MSLN: variants seen among roughly 807,000 people sequenced by gnomAD.
The protein encoded by MSLN is mesothelin.
A neutral mutation model predicts 72.6 loss-of-function variants in MSLN; 82 were observed. That is an observed-to-expected ratio of 1.13 (90% CI 0.94 to 1.36). The LOEUF is 1.36. Among genes scored for constraint, MSLN ranks in the 40% most tolerant of loss-of-function variants. MSLN has a pLI of 0.00. For synonymous variants in MSLN, 456 were observed against 387.3 expected (o/e 1.18, Z -2.08); for missense variants, 1,005 against 847.9 (o/e 1.19, Z -2.30).
chr16:762,540 G>T (rs543638183), intron 2 of MSLN, 132 bp from the exon 3 acceptor site: 29 of 701,890 alleles, frequency 4.1e-5, no homozygotes, highest in Non-Finnish European at 7.1e-5. Context: ...GCCAGGGTGC[G>T]GACACAAGCT....
Position 764,650 on chromosome 16 carries a change from C to CGCTGT in MSLN, c.305_309dup (p.Leu104AlafsTer76). On this transcript the variant is annotated frameshift_variant, in exon 7 of 18. Coordinates refer to ENST00000545450, the MANE Select transcript of MSLN (RefSeq NM_005823.6). LOFTEE classifies it high-confidence loss of function. ...GCTGGACTCCCTGCCCCTGCAGCTG[C>CGCTGT]GCTGTCTGGCTCACCGGCTCTCTGA... The CGCTGT allele has an allele frequency of 6.2e-7, 1 of 1,612,178 alleles. No individual in the cohort carries two copies. Among genetic ancestry groups the CGCTGT allele is most frequent in the Non-Finnish European group, 8.5e-7 (1 of 1,179,528 alleles).
At position 764,951 on chromosome 16, in the gene MSLN, C is replaced by T; in HGVS notation, c.425C>T (p.Ser142Phe). 1 of 1,612,444 alleles carries T rather than the reference C, an allele frequency of 6.2e-7. No homozygotes were observed. The change falls in exon 8 of 18, where the codon TCC (serine) becomes TTC (phenylalanine). Residue 142 changes from serine (S) to phenylalanine (F), a missense_variant. Ser to Phe is a radical substitution (Grantham distance 155). Transcript: ENST00000545450. The part of the protein sequence containing the change: ...SGPQACTRFF[S>F]RITKANVDLL... ...CCCCAGGCCTGCACCCGTTTCTTCT[C>T]CCGCATCACGAAGGCCAATGTGGAC...
chr16:767,339 G>A (rs3765325), intron 15 of MSLN, 37 bp from the exon 16 acceptor site: 2 of 1,573,936 alleles, frequency 1.3e-6, no homozygotes, highest in Non-Finnish European at 1.7e-6. Context: ...GGGGTGTGAG[G>A]TGAGGCCTCA....
At chr16:764,394 G>T (rs944218974) in intron 6 of MSLN, among the ~76,000 whole-genome samples, 1 of 152,212 alleles carries the variant, frequency 6.6e-6, no homozygotes, top group African/African-American at 2.4e-5. Context: ...AGCGCCGTGG[G>T]CAGCCCTCCA....
In MSLN at chr16:765,706, T is replaced by A. The variant is rs952774172; in HGVS notation, c.811T>A (p.Trp271Arg). The A allele has an allele frequency of 6.2e-7, 1 of 1,600,886 alleles. No homozygotes were observed. Among genetic ancestry groups the A allele is most frequent in the Non-Finnish European group, 8.5e-7 (1 of 1,179,462 alleles). ...RSIPQGIVAA[W>R]RQRSSRDPSW... Reference sequence around the variant, plus strand: ...TCGTCCTCAGGGCATCGTGGCCGCGTGGCGGCAACGCTCCTCTCGGGACCC... The same window carrying A: ...TCGTCCTCAGGGCATCGTGGCCGCGAGGCGGCAACGCTCCTCTCGGGACCC... Residue 271 changes from tryptophan to arginine, a missense_variant, in exon 11 of 18, where the codon TGG (tryptophan) becomes AGG (arginine). Trp to Arg is a moderately radical substitution (Grantham distance 101). Transcript: ENST00000545450.
chr16:768,260 G>T (rs909081660), intron 16 of MSLN, 119 bp from the exon 17 acceptor site: 1 of 1,052,532 alleles, frequency 9.5e-7, no homozygotes, highest in Non-Finnish European at 1.3e-6. Flanking sequence ...TCCGAAGTCT[G>T]GAGAGGCTGC....
At chr16:763,742 G>A (rs370746923) in intron 5 of MSLN, 51 bp downstream of exon 5, 16 of 816,888 alleles carry the variant, frequency 2.0e-5, no homozygotes, top group East Asian at 2.1e-4. Flanking sequence ...AGGGGCCCTC[G>A]GGACTGAGGG....
chr16:764,820 CAG>C (rs1329476952), intron 7 of MSLN, 85 bp from the exon 8 acceptor site: 28 of 1,585,720 alleles, frequency 1.8e-5, no homozygotes, highest in Non-Finnish European at 2.1e-5. Context: ...CAGGCCACAG[CAG>C]AGATGTGGAG....
At position 765,680 on chromosome 16, in the gene MSLN, C is replaced by T. The variant is rs2041597486; in HGVS notation, c.796-11C>T. ...CACCCGAGGCTCAGCCCAGGTCCTG[C>T]TCGTCCTCAGGGCATCGTGGCCGCG... On this transcript the variant is annotated splice_polypyrimidine_tract_variant and intron_variant, in intron 10 of 17. Coordinates refer to ENST00000545450, the MANE Select transcript of MSLN (RefSeq NM_005823.6). The T allele has an allele frequency of 6.2e-7, 1 of 1,600,418 alleles. No individual in the cohort carries two copies. Among genetic ancestry groups the T allele is most frequent in the African/African-American group, 1.3e-5 (1 of 75,020 alleles).
intron 2 of MSLN, among the ~76,000 whole-genome samples, chr16:761,725 C>T (rs898593428): frequency 7.9e-5 from 12 of 152,182 alleles, no homozygotes; most frequent in South Asian, 6.2e-4. Flanking sequence ...GTCTGTCACC[C>T]GGAGGCTGTG....
intron 11 of MSLN, 111 bp from the exon 12 acceptor site, chr16:765,948 G>T: frequency 7.4e-7 from 1 of 1,350,018 alleles, no homozygotes. Flanking sequence ...TGGGTAAACT[G>T]AGGCACAGGG....
chr16:765,902 T>C (rs2041601095), intron 11 of MSLN, 112 bp downstream of exon 11: 1 of 1,332,426 alleles, frequency 7.5e-7, no homozygotes, highest in South Asian at 1.3e-5. Flanking sequence ...CATCCCATTA[T>C]AATCACAGAG....
intron 2 of MSLN, among the ~76,000 whole-genome samples, chr16:762,003 A>G (rs747941477): frequency 2.0e-5 from 3 of 151,314 alleles, no homozygotes; most frequent in Non-Finnish European, 2.9e-5. Flanking sequence ...CTCCCCACCC[A>G]CTTCCCCACC....
intron 5 of MSLN, 75 bp downstream of exon 5, chr16:763,766 CCA>C: frequency 3.9e-6 from 5 of 1,279,364 alleles, no homozygotes; most frequent in Non-Finnish European, 4.2e-6. Flanking sequence ...GCAGGGCACC[CCA>C]TCCCCCAGCA....
Position 768,473 on chromosome 16 carries a change from T to C in MSLN, c.1691T>C (p.Leu564Pro), listed in dbSNP as rs751039261. The C allele has an allele frequency of 6.4e-6, 10 of 1,569,594 alleles. No homozygotes were observed. Among genetic ancestry groups the C allele is most frequent in the Non-Finnish European group, 8.7e-6 (10 of 1,155,076 alleles). Residue 564 changes from leucine (L) to proline (P), a missense_variant, in exon 17 of 18, where the codon CTA becomes CCA. Leu to Pro is a moderately conservative substitution (Grantham distance 98, BLOSUM62 -3). Coordinates refer to ENST00000545450, the MANE Select transcript of MSLN (RefSeq NM_005823.6). ...CACCGCCCGGTGCGGGACTGGATCC[T>C]ACGGCAGCGGCAGGACGACCTGGAC... ...ERHRPVRDWI[L>P]RQRQDDLDTL...
intron 9 of MSLN, 51 bp from the exon 10 acceptor site, chr16:765,476 C>T (rs765201584): frequency 3.0e-5 from 47 of 1,542,024 alleles, no homozygotes; most frequent in Admixed American, 5.3e-5. Context: ...CCTCTTCCCT[C>T]TCTGGGGCTG....
At chr16:762,637 C>T (rs751624186) in intron 2 of MSLN, 35 bp from the exon 3 acceptor site, 1 of 1,509,152 alleles carries the variant, frequency 6.6e-7, no homozygotes, top group South Asian at 1.1e-5. Context: ...GGGGTGGGAG[C>T]AGGGGGTCCC....
chr16:765,160 C>G lies in MSLN; in HGVS notation c.561C>G (p.Gly187=). The change falls in exon 9 of 18, where the codon GGC becomes GGG. Residue 187 remains glycine (G), a synonymous_variant. Transcript: ENST00000545450. ...AGGCTGATGTGCGGGCTCTGGGAGG[C>G]CTGGCTTGCGACCTGCCTGGGCGCT... The part of the protein sequence containing the change: ...LSEADVRALG[G]LACDLPGRFV... The G allele has an allele frequency of 6.2e-7, 1 of 1,602,486 alleles. No individual in the cohort carries two copies. The highest frequency in any genetic ancestry group is 8.5e-7 in the Non-Finnish European group (1 of 1,178,798).
intron 4 of MSLN, 81 bp from the exon 5 acceptor site, chr16:763,561 T>G (rs574909782): frequency 2.2e-6 from 3 of 1,385,954 alleles, no homozygotes; most frequent in African/African-American, 2.9e-5. Flanking sequence ...GGGGAGTACC[T>G]GGCCCAGGGG....
Sources: allele counts gnomAD v4.1 joint callset (sites outside exome capture counted in the v4.1 genomes callset), GRCh38; gene constraint gnomAD v4.1.1; transcripts MANE v1.5; gene names NCBI Gene and HGNC (gene_info 2026-07-23, HGNC 2026-07-21).